ARHGAP4: variants seen among roughly 807,000 people sequenced by gnomAD.
The protein encoded by ARHGAP4 is rho GTPase-activating protein 4.
ARHGAP4 carries 25 observed loss-of-function variants against 67.6 expected under a neutral mutation model. The ratio of observed to expected loss-of-function variants is 0.37; its 90% CI spans 0.27 to 0.52. ARHGAP4 has a LOEUF of 0.52. ARHGAP4 is among the 20% of genes least tolerant of loss of function. ARHGAP4 has a pLI of 0.92. For missense variants in ARHGAP4, 804 were observed against 854.6 expected (o/e 0.94, Z 0.74); for synonymous variants, 448 against 373.7 (o/e 1.20, Z -2.29).
At chrX:153,919,713 G>T (rs1363309977) in intron 5 of ARHGAP4, 2 of 1,118,262 alleles carry the variant, frequency 1.8e-6, no homozygotes, top group Non-Finnish European at 2.4e-6. Context: ...ACCCCAAAGG[G>T]TAGGGATAGA....
Position 153,919,210 on chromosome X carries a change from C to T in ARHGAP4, c.755G>A (p.Ser252Asn). 8.2e-7 allele frequency: 1 copy of T among 1,212,335 alleles called. No homozygotes were observed. The highest frequency in any genetic ancestry group is 1.1e-6 in the Non-Finnish European group (1 of 895,634). Reference sequence around the variant, plus strand: ...GTAGTTACTGACAGCAGCGTTGACACTAGCCAGGCTAAGCAGGTACTCGTT... The same window carrying T: ...GTAGTTACTGACAGCAGCGTTGACATTAGCCAGGCTAAGCAGGTACTCGTT... ...ARNEYLLSLASVNAAVSNYYL... is the reference protein window; with the variant it reads ...ARNEYLLSLANVNAAVSNYYL... The change falls in exon 6 of 22, where the codon AGT (serine) becomes AAT (asparagine). Residue 252 changes from serine to asparagine, a missense_variant. By Grantham distance (46) the Ser-to-Asn change is conservative. This residue lies in a region of ARHGAP4 where 404 missense variants were observed against 505.9 expected (regional missense o/e 0.80). Coordinates refer to ENST00000350060, the MANE Select transcript of ARHGAP4 (RefSeq NM_001666.5).
rs968228828 is a variant in ARHGAP4, at chrX:153,918,996, C to T, written c.868G>A (p.Ala290Thr). 4.1e-6 allele frequency: 5 copies of T among 1,211,832 alleles called. No individual in the cohort carries two copies. The highest frequency in any genetic ancestry group is 3.0e-5 in the East Asian group (1 of 33,826). The stretch of plus-strand genomic sequence containing the variant: ...TGGGAGGCTTGGGTGCGGCTCTCAG[C>T]GGCCGTGTAGCTCCGGAGCACCTGC... The part of the protein sequence containing the change: ...LGQVLRSYTA[A>T]ESRTQASQVQ... The change falls in exon 7 of 22, where the codon GCT becomes ACT. Residue 290 changes from alanine (A) to threonine (T), a missense_variant. Ala to Thr is a moderately conservative substitution (Grantham distance 58, BLOSUM62 0). This residue lies in a region of ARHGAP4 where 404 missense variants were observed against 505.9 expected (regional missense o/e 0.80). Coordinates refer to ENST00000350060, the MANE Select transcript of ARHGAP4 (RefSeq NM_001666.5).
chrX:153,911,506 G>A (rs1387915357), intron 12 of ARHGAP4, among the ~76,000 whole-genome samples: 1 of 112,053 alleles, frequency 8.9e-6, no homozygotes, highest in African/African-American at 3.2e-5. Context: ...ACTCGTAGGT[G>A]TCTGATATTT....
chrX:153,925,914 AAAGG>A (rs1465727690), intron 1 of ARHGAP4, among the ~76,000 whole-genome samples: 1 of 113,094 alleles, frequency 8.8e-6, no homozygotes. Context: ...GACAGAGACC[AAAGG>A]AAGGAAGACA....
In ARHGAP4 at chrX:153,912,663, T is replaced by C. The variant is rs543748181; in HGVS notation, c.1542+37A>G. On this transcript the variant is annotated intron_variant, in intron 12 of 21. Transcript: ENST00000350060. ...ACCCAGAGCTGAAGAAAGATCAGCA[T>C]GTACAGGTGGGCTGGCATGTGGGGC... The C allele has an allele frequency of 5.0e-4, 555 of 1,114,418 alleles. 6 individuals are homozygous for C. The South Asian group carries it at 9.7e-3, about 19-fold the overall frequency. The allele number at this position is 1,114,418 out of a possible 1,213,427, so 91.8% of individuals were successfully genotyped here.
intron 5 of ARHGAP4, chrX:153,919,532 G>A (rs2065078066): frequency 8.8e-7 from 1 of 1,139,053 alleles, no homozygotes; most frequent in African/African-American, 1.8e-5. Flanking sequence ...ATTCCCCACA[G>A]AAGTGGGGGA....
At chrX:153,921,571 C>A in intron 2 of ARHGAP4, 34 bp downstream of exon 2, 1 of 1,203,712 alleles carries the variant, frequency 8.3e-7, no homozygotes, top group Non-Finnish European at 1.1e-6. Context: ...GAGCTTGGGC[C>A]CTGCCGTGGC....
chrX:153,908,029 C>T, intron 21 of ARHGAP4, 67 bp from the exon 22 acceptor site: 2 of 992,122 alleles, frequency 2.0e-6, no homozygotes, highest in South Asian at 5.8e-5. Context: ...CCAAGACCCA[C>T]CTGAGTTCCT....
At chrX:153,923,847 G>A (rs186737604) in intron 1 of ARHGAP4, among the ~76,000 whole-genome samples, 4 of 111,955 alleles carry the variant, frequency 3.6e-5, no homozygotes, top group Admixed American at 1.9e-4. Context: ...GTGCGATCTC[G>A]GCTCACTGCA....
intron 1 of ARHGAP4, among the ~76,000 whole-genome samples, chrX:153,923,872 G>T (rs1198016981): frequency 7.2e-5 from 8 of 111,707 alleles, no homozygotes; most frequent in African/African-American, 2.6e-4. Flanking sequence ...CCGCCTCCCG[G>T]GTTCAAGCGA....
At chrX:153,923,471 CT>C (rs2065108462) in intron 1 of ARHGAP4, among the ~76,000 whole-genome samples, 1 of 112,102 alleles carries the variant, frequency 8.9e-6, no homozygotes, top group South Asian at 3.7e-4. Flanking sequence ...ACCCATCCCT[CT>C]GTCCCTCCAC....
intron 7 of ARHGAP4, 67 bp downstream of exon 7, chrX:153,918,765 C>T: frequency 1.8e-6 from 2 of 1,090,750 alleles, no homozygotes; most frequent in East Asian, 3.0e-5. Flanking sequence ...GTGGGTCATG[C>T]CACTCCACTG....
At chrX:153,924,728 G>A (rs782620783) in intron 1 of ARHGAP4, among the ~76,000 whole-genome samples, 1 of 111,776 alleles carries the variant, frequency 8.9e-6, no homozygotes, top group Admixed American at 9.5e-5. Flanking sequence ...AGATGTATAG[G>A]AAACATCTGG....
At position 153,913,586 on chromosome X, in the gene ARHGAP4, CAG is replaced by C. The variant is rs1416997372; in HGVS notation, c.1147_1148del (p.Leu383GlufsTer15). 1.7e-6 allele frequency: 2 copies of C among 1,206,046 alleles called. No individual in the cohort carries two copies. The highest frequency in any genetic ancestry group is 2.2e-6 in the Non-Finnish European group (2 of 892,559). Reference protein sequence around the residue: ...TIETEEVNKTLKATLQALLEV... With the variant: ...TIETEEVNKTXKATLQALLEV... ...CCAGCAGGGCCTGCAGTGTCGCCTT[CAG>C]AGTCTTGTTCACCTGCAGAGGAGAC... On this transcript the variant is annotated frameshift_variant, in exon 9 of 22. Transcript: ENST00000350060. LOFTEE classifies it high-confidence loss of function.
At chrX:153,919,787 TTTTTA>T in intron 5 of ARHGAP4, 1 of 852,022 alleles carries the variant, frequency 1.2e-6, no homozygotes, top group Non-Finnish European at 1.5e-6. Context: ...CTCTATTTTT[TTTTTA>T]TTTTTTTTTT....
At chrX:153,908,812 G>A (rs1041769734) in intron 21 of ARHGAP4, among the ~76,000 whole-genome samples, 8 of 112,106 alleles carry the variant, frequency 7.1e-5, no homozygotes, top group South Asian at 3.7e-4. Context: ...GAATCCCAAC[G>A]TGCAAGCCAG....
At position 153,911,171 on chromosome X, in the gene ARHGAP4, G is replaced by T; in HGVS notation, c.1561C>A (p.Pro521Thr). Residue 521 changes from proline (P) to threonine (T), a missense_variant, in exon 13 of 22, where the codon CCC (proline) becomes ACC (threonine). Around this residue, in one of 2 missense-constraint regions of ARHGAP4, gnomAD observed 404 missense variants for 505.9 expected, o/e 0.80. Coordinates refer to ENST00000350060, the MANE Select transcript of ARHGAP4 (RefSeq NM_001666.5). Reference sequence around the variant, plus strand: ...CGAATGCAGCTCTCCACCACCAGGGGCACAGGCTGGCCTGAGCTCTGGGGA... The same window carrying T: ...CGAATGCAGCTCTCCACCACCAGGGTCACAGGCTGGCCTGAGCTCTGGGGA... Reference protein sequence around the residue: ...KFIQSSGQPVPLVVESCIRFI... With the variant: ...KFIQSSGQPVTLVVESCIRFI... 2 of 1,169,666 alleles carry T rather than the reference G, an allele frequency of 1.7e-6. No homozygotes were observed. The highest frequency in any genetic ancestry group is 2.3e-6 in the Non-Finnish European group (2 of 873,527).
chrX:153,925,063 C>G (rs371656762), intron 1 of ARHGAP4, among the ~76,000 whole-genome samples: 32 of 111,412 alleles, frequency 2.9e-4, no homozygotes, highest in African/African-American at 8.8e-4. Context: ...TGAAGTTTTC[C>G]AAGTCTTTCA....
Position 153,920,826 on chromosome X carries a change from G to T in ARHGAP4, c.499-18C>A. 2.5e-6 allele frequency: 3 copies of T among 1,211,098 alleles called. No individual in the cohort carries two copies. Among genetic ancestry groups the T allele is most frequent in the Non-Finnish European group, 3.4e-6 (3 of 894,803 alleles). ...TTCTTGGCCTGCAGGGAGACCCAAA[G>T]CAAGGTGGTGCTGGTGAAGGCCACG... On this transcript the variant is annotated intron_variant, in intron 4 of 21. Coordinates refer to ENST00000350060, the MANE Select transcript of ARHGAP4 (RefSeq NM_001666.5).
Sources: allele counts gnomAD v4.1 joint callset (sites outside exome capture counted in the v4.1 genomes callset), GRCh38; gene constraint gnomAD v4.1.1; regional missense constraint gnomAD v4.1.1; transcripts MANE v1.5; gene names NCBI Gene and HGNC (gene_info 2026-07-23, HGNC 2026-07-21).